Variants in GLP1R observed in about 807,000 individuals in gnomAD.
The protein encoded by GLP1R is glucagon-like peptide 1 receptor.
GLP1R carries 32 observed loss-of-function variants against 68.4 expected under a neutral mutation model. The observed-to-expected ratio is 0.47, with a 90% CI of 0.35 to 0.63. The LOEUF (loss-of-function observed/expected upper bound fraction) is 0.63, where lower values mean the gene tolerates loss of function less well. GLP1R is among the 20% of genes least tolerant of loss of function. The pLI is 0.00. For synonymous variants in GLP1R, 263 were observed against 244.4 expected (o/e 1.08, Z -0.71); for missense variants, 502 against 594.9 (o/e 0.84, Z 1.62).
In GLP1R at chr6:39,049,183, C is replaced by A. The variant is rs1768029686; in HGVS notation, c.78+265C>A. ...CCACCCGGGTCCCTCTGCCCGGGCACCCGCTGCCCCGCGGCCGCCCTGCGC... is the reference window on the plus strand; with the variant it reads ...CCACCCGGGTCCCTCTGCCCGGGCAACCGCTGCCCCGCGGCCGCCCTGCGC... On this transcript the variant is annotated intron_variant, in intron 1 of 12. Transcript: ENST00000373256. The surrounding 1 kb of genome is among the most constrained non-coding windows in gnomAD (Gnocchi z 4.5). Among the ~76,000 whole-genome samples, 1 of 152,154 alleles carries A rather than the reference C, an allele frequency of 6.6e-6. No individual in the cohort carries two copies. The highest frequency in any genetic ancestry group is 6.5e-5 in the Admixed American group (1 of 15,280).
intron 8 of GLP1R, among the ~76,000 whole-genome samples, 189 bp from the exon 9 acceptor site, chr6:39,078,768 G>A (rs2277110): frequency 0.043 from 6,579 of 152,194 alleles, 197 homozygotes; most frequent in South Asian, 0.087. Context: ...TGGACTATGC[G>A]TGTGTGTTGT....
chr6:39,053,865 A>G (rs1022652139), intron 1 of GLP1R, among the ~76,000 whole-genome samples: 26 of 152,100 alleles, frequency 1.7e-4, no homozygotes, highest in African/African-American at 6.0e-4. Context: ...AGAACCTCCC[A>G]TCTGTCCCAG....
chr6:39,064,205 A>G (rs1278189181), intron 3 of GLP1R, among the ~76,000 whole-genome samples: 1 of 151,804 alleles, frequency 6.6e-6, no homozygotes. Context: ...GGGTTTCACC[A>G]TGTTGCCCAG....
At chr6:39,084,585 A>G (rs1376285061) in intron 12 of GLP1R, among the ~76,000 whole-genome samples, 1 of 152,186 alleles carries the variant, frequency 6.6e-6, no homozygotes, top group East Asian at 1.9e-4. Flanking sequence ...CCCAGCTGTC[A>G]GCATGCGCTC....
intron 5 of GLP1R, among the ~76,000 whole-genome samples, chr6:39,069,975 C>T (rs895873707): frequency 6.6e-6 from 1 of 152,216 alleles, no homozygotes; most frequent in Non-Finnish European, 1.5e-5. Context: ...CTCTCTGCTT[C>T]TGAGATGGTG....
rs182051427 is a variant in GLP1R at position 39,078,000 on chromosome 6, C to T, written c.824-322C>T. Reference sequence around the variant, plus strand: ...CTGTCCCCACCGCATGGCCCAGTCCCGCTGCTGTTTGTGTGTCTGTGGCCT... The same window carrying T: ...CTGTCCCCACCGCATGGCCCAGTCCTGCTGCTGTTTGTGTGTCTGTGGCCT... On this transcript the variant is annotated intron_variant, in intron 7 of 12. Transcript: ENST00000373256. Among the ~76,000 whole-genome samples, 13 of 152,186 alleles carry T rather than the reference C, an allele frequency of 8.5e-5. No individual in the cohort carries two copies. In the East Asian group the frequency reaches 2.1e-3, roughly 25 times the overall value.
chr6:39,073,055 G>C (rs201697395), intron 6 of GLP1R, 40 bp downstream of exon 6: 3 of 1,580,252 alleles, frequency 1.9e-6, no homozygotes, highest in South Asian at 1.1e-5. Flanking sequence ...AGGGATGGGC[G>C]GTTGGAGGAG....
intron 3 of GLP1R, among the ~76,000 whole-genome samples, chr6:39,063,449 G>C (rs547599324): frequency 6.6e-6 from 1 of 152,096 alleles, no homozygotes; most frequent in Non-Finnish European, 1.5e-5. Context: ...GCGTTCGAAG[G>C]GTATTGGAAC....
At chr6:39,059,928 T>G (rs1768315556) in intron 3 of GLP1R, among the ~76,000 whole-genome samples, 1 of 152,122 alleles carries the variant, frequency 6.6e-6, no homozygotes, top group Admixed American at 6.5e-5. Flanking sequence ...AACATGGTTT[T>G]ATTGCTTTCT....
At chr6:39,084,741 T>A (rs1026692005) in intron 12 of GLP1R, among the ~76,000 whole-genome samples, 1 of 152,222 alleles carries the variant, frequency 6.6e-6, no homozygotes, top group African/African-American at 2.4e-5. Context: ...AGGCAGCCTC[T>A]GGGCCATCTC....
chr6:39,083,462 G>A (rs996010241), intron 12 of GLP1R, among the ~76,000 whole-genome samples: 5 of 152,346 alleles, frequency 3.3e-5, no homozygotes, highest in South Asian at 2.1e-4. Context: ...GTTCTGTGTG[G>A]CTGCCAAGGC....
chr6:39,054,510 G>T (rs965070790), intron 1 of GLP1R, among the ~76,000 whole-genome samples: 3 of 152,160 alleles, frequency 2.0e-5, no homozygotes, highest in Non-Finnish European at 4.4e-5. Context: ...TCCTCAGGGA[G>T]CCCCAGTCTG....
At chr6:39,073,838 A>C in intron 7 of GLP1R, 69 bp downstream of exon 7, 2 of 1,420,988 alleles carry the variant, frequency 1.4e-6, no homozygotes, top group Non-Finnish European at 2.0e-6. Context: ...CTCTTCTAAC[A>C]TGGTACTTGG....
intron 1 of GLP1R, among the ~76,000 whole-genome samples, chr6:39,055,915 G>GT (rs1470087405): frequency 6.6e-6 from 1 of 152,046 alleles, no homozygotes. Context: ...TGCTTCCTGG[G>GT]GGGGCTGTGC....
At position 39,070,829 on chromosome 6, in the gene GLP1R, A is replaced by G. The variant is rs559518856; in HGVS notation, c.510-2033A>G. Among the ~76,000 whole-genome samples, 131 of 151,860 alleles carry G rather than the reference A, an allele frequency of 8.6e-4. 2 individuals carry two copies. The highest frequency in any genetic ancestry group is 3.1e-3 in the African/African-American group (127 of 41,424). On this transcript the variant is annotated intron_variant, in intron 5 of 12. Transcript: ENST00000373256. ...TATTCATTATATATTCTGGATACTT[A>G]TCCAGGATTTACCCTCTCTTTAGTC...
At chr6:39,060,262 C>T (rs1768326810) in intron 3 of GLP1R, among the ~76,000 whole-genome samples, 1 of 152,160 alleles carries the variant, frequency 6.6e-6, no homozygotes, top group Admixed American at 6.5e-5. Flanking sequence ...AAGCGAGTAG[C>T]CTGTGGAGAA....
chr6:39,076,349 A>G (rs891262055), intron 7 of GLP1R, among the ~76,000 whole-genome samples: 31 of 152,096 alleles, frequency 2.0e-4, no homozygotes, highest in African/African-American at 7.0e-4. Context: ...AGACCATCCC[A>G]TTCCTTGTCC....
At chr6:39,071,637 G>A (rs1360221611) in intron 5 of GLP1R, among the ~76,000 whole-genome samples, 2 of 151,906 alleles carry the variant, frequency 1.3e-5, no homozygotes, top group Admixed American at 1.3e-4. Flanking sequence ...TGTATGGGTT[G>A]GTTTCAGTCA....
At chr6:39,068,760 C>T (rs1221404757) in intron 5 of GLP1R, among the ~76,000 whole-genome samples, 1 of 152,214 alleles carries the variant, frequency 6.6e-6, no homozygotes, top group Non-Finnish European at 1.5e-5. Context: ...TGGCCCTGGG[C>T]AGTGACTTCC....
Sources: gnomAD v4.1 joint callset for allele counts (sites outside exome capture counted in the v4.1 genomes callset) on GRCh38, gnomAD v4.1.1 for gene constraint, Gnocchi (gnomAD v3.1) non-coding constraint, MANE v1.5 for transcripts, NCBI Gene and HGNC (gene_info 2026-07-23, HGNC 2026-07-21) for gene names.